Variants in FARS2 observed in about 807,000 individuals in gnomAD.
FARS2 encodes the protein phenylalanine--tRNA ligase, mitochondrial.
A neutral mutation model predicts 46.4 loss-of-function variants in FARS2; 40 were observed. The observed-to-expected ratio is 0.86, with a 90% CI of 0.67 to 1.12. The LOEUF is 1.12. Among genes scored for constraint, FARS2 ranks in the 50% most tolerant of loss-of-function variants. The pLI is 0.00. For synonymous variants in FARS2, 234 were observed against 214.9 expected, an observed-to-expected ratio of 1.09 and a Z score of -0.78; for missense variants, 513 against 567.9, an observed-to-expected ratio of 0.90 and a Z score of 0.98.
chr6:5,675,975 A>G (rs920205900), intron 6 of FARS2, among the ~76,000 whole-genome samples: 3 of 152,056 alleles, frequency 2.0e-5, no homozygotes, highest in African/African-American at 7.2e-5. Context: ...TTTTTTTCTC[A>G]CCTGAGGGAA....
chr6:5,384,551 C>T (rs62385366), intron 2 of FARS2, among the ~76,000 whole-genome samples: 20,078 of 152,144 alleles, frequency 0.13, 1,646 homozygotes, highest in East Asian at 0.4. Context: ...GGTCACTAAG[C>T]AAGGAACTGA....
At chr6:5,478,109 A>G (rs1288175591) in intron 4 of FARS2, among the ~76,000 whole-genome samples, 1 of 151,994 alleles carries the variant, frequency 6.6e-6, no homozygotes, top group East Asian at 1.9e-4. Context: ...TGCTTGGCAC[A>G]TATTAAACGT....
At chr6:5,461,737 C>T (rs2432798) in intron 4 of FARS2, among the ~76,000 whole-genome samples, 16,749 of 152,174 alleles carry the variant, frequency 0.11, 1,166 homozygotes, top group Admixed American at 0.15. Context: ...CAGTGTTTTG[C>T]GGTTCATCCT....
intron 6 of FARS2, among the ~76,000 whole-genome samples, chr6:5,715,951 T>C (rs989916452): frequency 6.6e-6 from 1 of 152,208 alleles, no homozygotes; most frequent in Non-Finnish European, 1.5e-5. Flanking sequence ...GGTTCAAATT[T>C]CTCCACATCC....
At chr6:5,509,214 A>G (rs1212944678) in intron 4 of FARS2, among the ~76,000 whole-genome samples, 1 of 152,172 alleles carries the variant, frequency 6.6e-6, no homozygotes, top group Non-Finnish European at 1.5e-5. Flanking sequence ...CCCAATCAGA[A>G]TTGCTGAGAA....
At chr6:5,430,670 AT>A (rs1387571957) in intron 3 of FARS2, among the ~76,000 whole-genome samples, 1 of 152,104 alleles carries the variant, frequency 6.6e-6, no homozygotes, top group African/African-American at 2.4e-5. Context: ...TATAGTAAAA[AT>A]ATACTCTCTT....
chr6:5,419,599 A>T (rs965242734), intron 3 of FARS2, among the ~76,000 whole-genome samples: 1 of 152,084 alleles, frequency 6.6e-6, no homozygotes, highest in Non-Finnish European at 1.5e-5. Context: ...ATCCAGAGTG[A>T]GATTTCCCAG....
chr6:5,621,384 C>T (rs939655212), intron 6 of FARS2, among the ~76,000 whole-genome samples: 2 of 152,142 alleles, frequency 1.3e-5, no homozygotes, highest in Admixed American at 1.3e-4. Flanking sequence ...AACCACTACA[C>T]CTGGCCAAGA....
At chr6:5,752,273 T>A (rs1269792143) in intron 6 of FARS2, among the ~76,000 whole-genome samples, 1 of 152,222 alleles carries the variant, frequency 6.6e-6, no homozygotes, top group Non-Finnish European at 1.5e-5. Flanking sequence ...GTGGATGTTG[T>A]CTAATTGCGG....
chr6:5,391,738 C>T (rs567946530), intron 2 of FARS2, among the ~76,000 whole-genome samples: 7 of 152,156 alleles, frequency 4.6e-5, no homozygotes, highest in African/African-American at 1.4e-4. Context: ...TTTTTCTGTG[C>T]CCTTTAAATG....
intron 4 of FARS2, among the ~76,000 whole-genome samples, chr6:5,477,709 A>G (rs1766205035): frequency 6.6e-6 from 1 of 152,202 alleles, no homozygotes; most frequent in Non-Finnish European, 1.5e-5. Flanking sequence ...GGAGTAAGCA[A>G]ATAAATCCAT....
intron 5 of FARS2, among the ~76,000 whole-genome samples, chr6:5,575,092 C>T (rs565294582): frequency 8.5e-5 from 13 of 152,274 alleles, no homozygotes; most frequent in South Asian, 2.1e-4. Context: ...GTATTTTCTC[C>T]GTAAGACACA....
intron 1 of FARS2, among the ~76,000 whole-genome samples, chr6:5,287,601 G>A (rs1767214093): frequency 1.3e-5 from 2 of 152,108 alleles, no homozygotes; most frequent in South Asian, 4.1e-4. Flanking sequence ...CCACCTCATA[G>A]CCCTTCCCCG....
chr6:5,486,922 A>G (rs1211852361), intron 4 of FARS2, among the ~76,000 whole-genome samples: 1 of 152,242 alleles, frequency 6.6e-6, no homozygotes, highest in Non-Finnish European at 1.5e-5. Flanking sequence ...ATCTTTGATC[A>G]GTTGAATTGT....
chr6:5,438,364 TG>T (rs1200729617), intron 4 of FARS2, among the ~76,000 whole-genome samples: 3 of 151,056 alleles, frequency 2.0e-5, no homozygotes, highest in African/African-American at 7.3e-5. Flanking sequence ...CCTGAGACTC[TG>T]CTTACTTTTT....
intron 4 of FARS2, among the ~76,000 whole-genome samples, chr6:5,481,773 A>G (rs944547449): frequency 6.7e-5 from 10 of 149,824 alleles, no homozygotes; most frequent in Non-Finnish European, 1.5e-4. Context: ...TCTGACAGGG[A>G]TACTTAGGCG....
At chr6:5,257,699 T>C (rs773885569), upstream of FARS2, among the ~76,000 whole-genome samples, 4 of 152,172 alleles carry the variant, frequency 2.6e-5, no homozygotes, top group African/African-American at 4.8e-5. Flanking sequence ...GTGATCTAGG[T>C]TGCATGCTCC....
In FARS2 at chr6:5,365,317, C is replaced by CTTTTTTTTTT. The variant is rs61097603; in HGVS notation, c.-21-3213_-21-3204dup. Among the ~76,000 whole-genome samples, 275 of 42,498 alleles carry CTTTTTTTTTT rather than the reference C, an allele frequency of 6.5e-3. 80 individuals are homozygous for CTTTTTTTTTT. Among genetic ancestry groups the CTTTTTTTTTT allele is most frequent in the African/African-American group, 0.018 (183 of 9,972 alleles). 27.9% of individuals were successfully genotyped at this position (42,498 alleles called of 152,430 possible). A position where few individuals can be genotyped will look rare whatever the true frequency, so the allele number is the denominator to read the frequency against. Reference sequence around the variant, plus strand: ...GACCTTTGATTGAGAAGTATACTTTCTTTTTTTTTTTTTTTTTTTTTTTTT... The same window carrying CTTTTTTTTTT: ...GACCTTTGATTGAGAAGTATACTTTCTTTTTTTTTTTTTTTTTTTTTTTTTTTTTTTTTTT... On this transcript the variant is annotated intron_variant, in intron 1 of 6. Transcript: ENST00000274680.
At chr6:5,276,361 C>T (rs1766334083) in intron 1 of FARS2, among the ~76,000 whole-genome samples, 3 of 152,110 alleles carry the variant, frequency 2.0e-5, no homozygotes, top group Non-Finnish European at 4.4e-5. Flanking sequence ...AGGTAAATTA[C>T]TTAACATTTA....
Sources: gnomAD v4.1 joint callset for allele counts (sites outside exome capture counted in the v4.1 genomes callset) on GRCh38, gnomAD v4.1.1 for gene constraint, MANE v1.5 for transcripts, NCBI Gene and HGNC (gene_info 2026-07-23, HGNC 2026-07-21) for gene names.